ZDHHC11B: variants seen among roughly 807,000 people sequenced by gnomAD.
ZDHHC11B encodes zDHHC palmitoyltransferase 11B (putative), also known as probable palmitoyltransferase ZDHHC11B.
In ZDHHC11B, 17 loss-of-function variants were observed where a neutral mutation model predicts 42.3. The ratio of observed to expected loss-of-function variants is 0.40; its 90% CI spans 0.27 to 0.60. ZDHHC11B has a LOEUF of 0.60. Among genes scored for constraint, ZDHHC11B ranks in the 20% least tolerant of loss-of-function variants. ZDHHC11B has a pLI of 0.41. For synonymous variants in ZDHHC11B, 123 were observed against 193.5 expected, an observed-to-expected ratio of 0.64 and a Z score of 3.02; for missense variants, 262 against 463.2, an observed-to-expected ratio of 0.57 and a Z score of 3.99.
intron 4 of ZDHHC11B, among the ~76,000 whole-genome samples, chr5:765,660 G>A (rs1442318046): frequency 6.6e-6 from 1 of 151,994 alleles, no homozygotes; most frequent in Admixed American, 6.6e-5. Flanking sequence ...AATACATCTT[G>A]CTGCTGCTCA....
chr5:751,653 G>C (rs1263033864), intron 6 of ZDHHC11B, among the ~76,000 whole-genome samples: 3 of 127,756 alleles, frequency 2.3e-5, no homozygotes, highest in African/African-American at 5.1e-5. Context: ...CCACTTGAGA[G>C]AGGGCTCCTG....
intron 12 of ZDHHC11B, among the ~76,000 whole-genome samples, chr5:724,478 C>T (rs1218979671): frequency 7.0e-6 from 1 of 143,474 alleles, no homozygotes; most frequent in Non-Finnish European, 1.5e-5. Context: ...TGGGTTCACG[C>T]CATTCTCCTG....
At chr5:737,671 A>G (rs1743691753) in intron 10 of ZDHHC11B, among the ~76,000 whole-genome samples, 1 of 149,756 alleles carries the variant, frequency 6.7e-6, no homozygotes, top group Admixed American at 6.8e-5. Flanking sequence ...TAAATGTGAT[A>G]AATCACAAAA....
rs750124297 is a variant in ZDHHC11B, at chr5:730,395, C to G, written c.1058+39G>C. ...GGTAATTTGAGTTCAGGCAAGTGTACAGACAGATAAAACGTTCCCATTAAA... is the reference window on the plus strand; with the variant it reads ...GGTAATTTGAGTTCAGGCAAGTGTAGAGACAGATAAAACGTTCCCATTAAA... On this transcript the variant is annotated intron_variant, in intron 12 of 13. Coordinates refer to ENST00000508859, the MANE Select transcript of ZDHHC11B (RefSeq NM_001351303.2). 8.8e-5 allele frequency: 139 copies of G among 1,571,432 alleles called. 1 individual carries two copies. Among genetic ancestry groups the G allele is most frequent in the Admixed American group, 1.6e-4 (8 of 50,694 alleles).
chr5:745,575 G>A (rs1744702981), intron 8 of ZDHHC11B, among the ~76,000 whole-genome samples: 1 of 150,044 alleles, frequency 6.7e-6, no homozygotes, highest in Non-Finnish European at 1.5e-5. Flanking sequence ...GCCTCATTGA[G>A]CTGCATTGTT....
intron 1 of ZDHHC11B, among the ~76,000 whole-genome samples, chr5:780,166 T>C (rs1477052818): frequency 1.3e-5 from 2 of 150,930 alleles, no homozygotes; most frequent in Non-Finnish European, 3.0e-5. Context: ...CTTTAATCCC[T>C]TTGGGAAACT....
At chr5:778,787 G>C (rs1315814651) in intron 1 of ZDHHC11B, among the ~76,000 whole-genome samples, 20 of 151,834 alleles carry the variant, frequency 1.3e-4, no homozygotes, top group African/African-American at 4.8e-4. Context: ...CAGAAGAGAA[G>C]ACACAGAGAG....
In ZDHHC11B at chr5:767,368, G is replaced by C. The variant is rs114524094; in HGVS notation, c.-1+24C>G. 5,605 of 1,560,820 alleles carry C rather than the reference G, an allele frequency of 3.6e-3. 230 individuals carry two copies. The African/African-American group carries it at 0.066, about 18-fold the overall frequency. ...GCAGCTGAAGCTGGACAGCAGCCAA[G>C]GGCTCCCCGGGGCCAACACCTGCCT... is the stretch of plus-strand genomic sequence containing the variant. On this transcript the variant is annotated intron_variant, in intron 3 of 13. Coordinates refer to ENST00000508859, the MANE Select transcript of ZDHHC11B (RefSeq NM_001351303.2).
intron 4 of ZDHHC11B, among the ~76,000 whole-genome samples, chr5:757,292 G>A (rs6882428): frequency 0.33 from 49,318 of 148,256 alleles, 4,598 homozygotes; most frequent in Middle Eastern, 0.41. Context: ...GTCGCACAGC[G>A]CTGTCCTCCT....
chr5:745,904 G>A lies in ZDHHC11B; in HGVS notation c.785-606C>T, dbSNP rs773925483. 6.3e-4 allele frequency among the ~76,000 whole-genome samples: 95 copies of A among 149,658 alleles called. 4 individuals carry two copies. Among genetic ancestry groups the A allele is most frequent in the African/African-American group, 1.3e-3 (55 of 40,824 alleles). On this transcript the variant is annotated intron_variant, in intron 8 of 13. Transcript: ENST00000508859. ...AGCCCCAGGCCCAGGAGGTGAACAC[G>A]AGTGCTGTGAGTGCCACTCAGCACA... is the stretch of plus-strand genomic sequence containing the variant.
At chr5:714,981 C>T (rs2126945782) in intron 13 of ZDHHC11B, among the ~76,000 whole-genome samples, 1 of 151,262 alleles carries the variant, frequency 6.6e-6, no homozygotes, top group Non-Finnish European at 1.5e-5. Context: ...CCTCCTCTCT[C>T]TCCATGTGAT....
chr5:742,294 T>C (rs565032313), intron 9 of ZDHHC11B, among the ~76,000 whole-genome samples: 9 of 144,042 alleles, frequency 6.2e-5, no homozygotes, highest in Admixed American at 2.9e-4. Context: ...TCTTGCCCAT[T>C]TGAAAAACTG....
chr5:771,174 C>T (rs538864437), intron 1 of ZDHHC11B, among the ~76,000 whole-genome samples: 50 of 151,898 alleles, frequency 3.3e-4, no homozygotes, highest in African/African-American at 1.0e-3. Context: ...CTGGGACTCA[C>T]GAAGCCCTCT....
Position 718,662 on chromosome 5 carries a change from C to G in ZDHHC11B, c.1059-1797G>C, listed in dbSNP as rs538701810. Reference sequence around the variant, plus strand: ...AGTGAGCAGAGATTGTGCCACTGCACTCTAGCCTGGGCGACAGAGCGAGAC... The same window carrying G: ...AGTGAGCAGAGATTGTGCCACTGCAGTCTAGCCTGGGCGACAGAGCGAGAC... On this transcript the variant is annotated intron_variant, in intron 12 of 13. Coordinates refer to ENST00000508859, the MANE Select transcript of ZDHHC11B (RefSeq NM_001351303.2). 1.9e-3 allele frequency among the ~76,000 whole-genome samples: 279 copies of G among 143,760 alleles called. 5 individuals carry two copies. The highest frequency in any genetic ancestry group is 3.3e-3 in the Non-Finnish European group (220 of 66,746). 94.3% of individuals were successfully genotyped at this position (143,760 alleles called of 152,430 possible).
At chr5:777,510 GAACAAACTTTCC>G in intron 1 of ZDHHC11B, among the ~76,000 whole-genome samples, 1 of 152,010 alleles carries the variant, frequency 6.6e-6, no homozygotes, top group South Asian at 2.1e-4. Context: ...AAGAGCAAAA[GAACAAACTTTCC>G]ACAGCGGAGA....
At chr5:757,754 C>A (rs1270353428) in intron 4 of ZDHHC11B, among the ~76,000 whole-genome samples, 1 of 151,792 alleles carries the variant, frequency 6.6e-6, no homozygotes, top group Non-Finnish European at 1.5e-5. Context: ...GCAGACATGG[C>A]TGCAAGGAGG....
intron 1 of ZDHHC11B, among the ~76,000 whole-genome samples, chr5:770,193 G>A (rs965893036): frequency 2.0e-5 from 3 of 150,512 alleles, no homozygotes; most frequent in African/African-American, 4.9e-5. Context: ...AGGAAACCCC[G>A]CCATACCAAT....
At chr5:764,368 C>T (rs1233763130) in intron 4 of ZDHHC11B, among the ~76,000 whole-genome samples, 2 of 149,812 alleles carry the variant, frequency 1.3e-5, no homozygotes, top group Non-Finnish European at 3.0e-5. Flanking sequence ...GCTCCCTCGG[C>T]TTGTGGGGAG....
At chr5:714,974 C>T (rs1469670345) in intron 13 of ZDHHC11B, among the ~76,000 whole-genome samples, 4 of 151,154 alleles carry the variant, frequency 2.6e-5, no homozygotes, top group Non-Finnish European at 5.9e-5. Flanking sequence ...CCCTTCGCCT[C>T]CTCTCTCTCC....
Sources: allele counts gnomAD v4.1 joint callset (sites outside exome capture counted in the v4.1 genomes callset), GRCh38; gene constraint gnomAD v4.1.1; transcripts MANE v1.5; gene names NCBI Gene and HGNC (gene_info 2026-07-23, HGNC 2026-07-21).